Variants in XXYLT1 observed in about 807,000 individuals in gnomAD.
XXYLT1 encodes the protein UDP-xylose:alpha-xyloside alpha-1,3-xylosyltransferase.
In XXYLT1, 20 loss-of-function variants were observed where a neutral mutation model predicts 28.9. That is an observed-to-expected ratio of 0.69 (90% CI 0.49 to 1.00). The LOEUF is 1.00. Among genes scored for constraint, XXYLT1 ranks in the 50% least tolerant of loss-of-function variants. The probability of loss-of-function intolerance (pLI) is 0.00; values close to 1 mark genes in which losing one functional copy is unlikely to be tolerated. For missense variants in XXYLT1, 542 were observed against 560.1 expected (o/e 0.97, Z 0.33); for synonymous variants, 257 against 253.8 (o/e 1.01, Z -0.12).
intron 2 of XXYLT1, among the ~76,000 whole-genome samples, chr3:195,197,768 A>G (rs1722687772): frequency 6.6e-6 from 1 of 152,212 alleles, no homozygotes; most frequent in African/African-American, 2.4e-5. Flanking sequence ...TCTAGTCCTC[A>G]TCCTACTGAC....
Position 195,180,250 on chromosome 3 carries a change from T to C in XXYLT1, c.653-23669A>G. 1 of 907,176 alleles carries C rather than the reference T, an allele frequency of 1.1e-6. No individual in the cohort carries two copies. The highest frequency in any genetic ancestry group is 1.3e-6 in the Non-Finnish European group (1 of 758,984). The allele number at this position is 907,176 out of a possible 1,614,324, so 56.2% of individuals were successfully genotyped here. On this transcript the variant is annotated intron_variant, in intron 2 of 3. Transcript: ENST00000310380. This position sits in a 1 kb window ranked among gnomAD's most constrained non-coding sequence, Gnocchi z 5.8. ...CCCGTCTCTGCACTGACACCGGGGGTGGTGAGTGGCACACTCGGTCCCCCA... is the reference window on the plus strand; with the variant it reads ...CCCGTCTCTGCACTGACACCGGGGGCGGTGAGTGGCACACTCGGTCCCCCA...
intron 3 of XXYLT1, among the ~76,000 whole-genome samples, chr3:195,131,534 T>C (rs1172560849): frequency 2.0e-5 from 3 of 152,214 alleles, no homozygotes; most frequent in African/African-American, 7.2e-5. Flanking sequence ...AGAAAGTGCA[T>C]CTCCAGAAAG....
intron 2 of XXYLT1, among the ~76,000 whole-genome samples, chr3:195,169,919 G>A (rs1346012921): frequency 6.7e-6 from 1 of 149,760 alleles, no homozygotes; most frequent in Non-Finnish European, 1.5e-5. Context: ...AGCCCAGAGT[G>A]TAATGGCACG....
intron 3 of XXYLT1, among the ~76,000 whole-genome samples, chr3:195,151,793 C>T (rs1720278195): frequency 6.8e-6 from 1 of 146,486 alleles, no homozygotes; most frequent in African/African-American, 2.5e-5. Context: ...AATGGCAACC[C>T]TATATGCCTG....
At chr3:195,070,412 G>A (rs1166778889) in intron 3 of XXYLT1, among the ~76,000 whole-genome samples, 1 of 151,942 alleles carries the variant, frequency 6.6e-6, no homozygotes, top group Non-Finnish European at 1.5e-5. Flanking sequence ...CACAACCCCA[G>A]GGGATGGGTG....
intron 1 of XXYLT1, among the ~76,000 whole-genome samples, chr3:195,231,885 CA>C (rs1226812456): frequency 2.0e-5 from 3 of 151,894 alleles, no homozygotes; most frequent in African/African-American, 7.3e-5. Context: ...TTTTTGGTAT[CA>C]GGGTAATTCT....
intron 2 of XXYLT1, among the ~76,000 whole-genome samples, chr3:195,218,380 C>T (rs1203390915): frequency 1.3e-5 from 2 of 151,964 alleles, no homozygotes; most frequent in Non-Finnish European, 2.9e-5. Context: ...AACAGGCAAC[C>T]TACAGAATGG....
intron 1 of XXYLT1, among the ~76,000 whole-genome samples, chr3:195,263,727 T>G (rs1209116406): frequency 6.6e-6 from 1 of 152,110 alleles, no homozygotes; most frequent in Non-Finnish European, 1.5e-5. Flanking sequence ...TCCTTCTTCC[T>G]CCTATTTGTC....
intron 3 of XXYLT1, among the ~76,000 whole-genome samples, chr3:195,145,643 G>A (rs555278359): frequency 2.1e-4 from 30 of 142,570 alleles, no homozygotes; most frequent in African/African-American, 5.9e-4. Context: ...CACGGTGACC[G>A]GCACTGATGG....
At chr3:195,260,387 G>A (rs1384644498) in intron 1 of XXYLT1, among the ~76,000 whole-genome samples, 1 of 152,200 alleles carries the variant, frequency 6.6e-6, no homozygotes, top group East Asian at 1.9e-4. Flanking sequence ...ACATCCCGGA[G>A]CACAGGACAA....
At chr3:195,220,666 G>A (rs1006438520) in intron 2 of XXYLT1, among the ~76,000 whole-genome samples, 13 of 152,142 alleles carry the variant, frequency 8.5e-5, no homozygotes, top group African/African-American at 1.7e-4. Flanking sequence ...ACGATCAGAC[G>A]CAGCCACTCA....
chr3:195,263,871 T>G (rs1725764068), intron 1 of XXYLT1, among the ~76,000 whole-genome samples: 1 of 152,180 alleles, frequency 6.6e-6, no homozygotes, highest in Non-Finnish European at 1.5e-5. Context: ...TATAAATATT[T>G]ATTGAGAACA....
chr3:195,082,961 C>A (rs988406743), intron 3 of XXYLT1, among the ~76,000 whole-genome samples: 44 of 152,218 alleles, frequency 2.9e-4, no homozygotes, highest in Non-Finnish European at 1.5e-5. Flanking sequence ...GCCCTGCTCA[C>A]CCCGTGAGAT....
At chr3:195,232,146 T>C (rs1164785712) in intron 1 of XXYLT1, among the ~76,000 whole-genome samples, 1 of 152,182 alleles carries the variant, frequency 6.6e-6, no homozygotes, top group Non-Finnish European at 1.5e-5. Flanking sequence ...ATCCATTTCT[T>C]CTAGGTTTTC....
At chr3:195,154,113 G>A (rs138156199) in intron 3 of XXYLT1, 2 of 152,372 alleles carry the variant, frequency 1.3e-5, no homozygotes, top group Non-Finnish European at 1.5e-5. Flanking sequence ...GAGCAGGGCA[G>A]GAGAGGGCTC....
At position 195,176,086 on chromosome 3, in the gene XXYLT1, T is replaced by TCC. The variant is rs1449634390; in HGVS notation, c.653-19506_653-19505insGG. On this transcript the variant is annotated intron_variant, in intron 2 of 3. Coordinates refer to ENST00000310380, the MANE Select transcript of XXYLT1 (RefSeq NM_152531.5). The surrounding 1 kb of genome is among the most constrained non-coding windows in gnomAD (Gnocchi z 4.9). ...AATTTTTTTTTTTTGAGACAGGGTC[T>TCC]CACTCTATCGCCCAAGCTGGAGTGC... Among the ~76,000 whole-genome samples, 1 of 152,126 alleles carries TCC rather than the reference T, an allele frequency of 6.6e-6. No homozygotes were observed. Among genetic ancestry groups the TCC allele is most frequent in the East Asian group, 1.9e-4 (1 of 5,194 alleles).
chr3:195,069,546 C>A lies in XXYLT1; in HGVS notation c.*169G>T, dbSNP rs751735779. 2.3e-5 allele frequency: 21 copies of A among 929,214 alleles called. No homozygotes were observed. The highest frequency in any genetic ancestry group is 3.2e-5 in the Non-Finnish European group (20 of 626,116). The allele number at this position is 929,214 out of a possible 1,614,324, so 57.6% of individuals were successfully genotyped here. ...CAGCAGTGCACAGGCCAGTCCTTGGCGGGTGGCCTCAGCACAGTGACCTGC... is the reference window on the plus strand; with the variant it reads ...CAGCAGTGCACAGGCCAGTCCTTGGAGGGTGGCCTCAGCACAGTGACCTGC... On this transcript the variant is annotated 3_prime_UTR_variant, in exon 4 of 4. Transcript: ENST00000310380.
intron 2 of XXYLT1, among the ~76,000 whole-genome samples, chr3:195,213,207 G>C (rs538240878): frequency 6.6e-6 from 1 of 152,054 alleles, no homozygotes; most frequent in Non-Finnish European, 1.5e-5. Context: ...CATCCCAACA[G>C]AGAGCTACAC....
intron 3 of XXYLT1, among the ~76,000 whole-genome samples, chr3:195,114,043 G>GAGTCAGTGACCT (rs1230669085): frequency 6.6e-6 from 1 of 152,210 alleles, no homozygotes; most frequent in Non-Finnish European, 1.5e-5. Context: ...AGAGCGTACT[G>GAGTCAGTGACCT]AGTCAGTGCC....
Sources: gnomAD v4.1 joint callset for allele counts (sites outside exome capture counted in the v4.1 genomes callset) on GRCh38, gnomAD v4.1.1 for gene constraint, Gnocchi (gnomAD v3.1) non-coding constraint, MANE v1.5 for transcripts, NCBI Gene and HGNC (gene_info 2026-07-23, HGNC 2026-07-21) for gene names.